The following SLC17A8 variants were observed in gnomAD, a reference collection of about 807,000 sequenced individuals.
SLC17A8 encodes the protein solute carrier family 17 member 8.
A neutral mutation model predicts 58.0 loss-of-function variants in SLC17A8; 31 were observed. That is an observed-to-expected ratio of 0.53 (90% CI 0.40 to 0.72). The LOEUF (loss-of-function observed/expected upper bound fraction) is 0.72. Ranked by LOEUF, SLC17A8 falls within the 30% of genes least tolerant of loss-of-function variation. The pLI is 0.00. For missense variants in SLC17A8, 655 were observed against 727.8 expected, an observed-to-expected ratio of 0.90 and a Z score of 1.15; for synonymous variants, 228 against 249.0, an observed-to-expected ratio of 0.92 and a Z score of 0.79.
intron 1 of SLC17A8, among the ~76,000 whole-genome samples, chr12:100,370,817 T>TG (rs1324588560): frequency 2.6e-5 from 4 of 152,178 alleles, no homozygotes; most frequent in Admixed American, 2.6e-4. Flanking sequence ...TCTGCTTAAA[T>TG]GGGGGGATAG....
chr12:100,399,416 G>T (rs138636279), intron 5 of SLC17A8, among the ~76,000 whole-genome samples: 215 of 152,288 alleles, frequency 1.4e-3, no homozygotes, highest in African/African-American at 5.0e-3. Context: ...AGGTCACATT[G>T]TGTATTAGTC....
At chr12:100,408,708 G>A (rs1280258576) in intron 9 of SLC17A8, among the ~76,000 whole-genome samples, 2 of 152,016 alleles carry the variant, frequency 1.3e-5, no homozygotes, top group African/African-American at 4.8e-5. Flanking sequence ...TTTATACAAT[G>A]TCATCATTCT....
Position 100,389,233 on chromosome 12 carries a change from G to A in SLC17A8, c.355-1768G>A, listed in dbSNP as rs79912034. Among the ~76,000 whole-genome samples the A allele has an allele frequency of 3.0e-3, 455 of 152,170 alleles. 7 individuals are homozygous for A. In the East Asian group the frequency reaches 0.032, roughly 11 times the overall value. ...TGCTATTGCCATCAGCATAGTATCA[G>A]TAATGGCTGCTAACATTTATTGAGT... On this transcript the variant is annotated intron_variant, in intron 2 of 11. Transcript: ENST00000323346.
chr12:100,391,816 T>C (rs901081363), intron 3 of SLC17A8, among the ~76,000 whole-genome samples: 13 of 152,242 alleles, frequency 8.5e-5, no homozygotes, highest in African/African-American at 2.9e-4. Flanking sequence ...TTGGACTAGA[T>C]TGTATTTCAG....
chr12:100,376,352 TC>T (rs1179826063), intron 1 of SLC17A8, among the ~76,000 whole-genome samples: 8 of 152,106 alleles, frequency 5.3e-5, no homozygotes, highest in Non-Finnish European at 1.2e-4. Flanking sequence ...TCCATTCTCT[TC>T]CCCTGCTCTT....
intron 10 of SLC17A8, among the ~76,000 whole-genome samples, chr12:100,415,320 G>A (rs1281192517): frequency 6.6e-6 from 1 of 151,348 alleles, no homozygotes; most frequent in Non-Finnish European, 1.5e-5. Flanking sequence ...ACAAAAACTA[G>A]TTGGTTGTGG....
Position 100,375,959 on chromosome 12 carries a change from G to A in SLC17A8, c.102-4742G>A, listed in dbSNP as rs117480068. On this transcript the variant is annotated intron_variant, in intron 1 of 11. Coordinates refer to ENST00000323346, the MANE Select transcript of SLC17A8 (RefSeq NM_139319.3). ...GTACCTCAGAATATGAGTATATTTG[G>A]AGATAGGGTCTTTAAAAAGGTAATT... Among the ~76,000 whole-genome samples, 20 of 152,236 alleles carry A rather than the reference G, an allele frequency of 1.3e-4. No individual in the cohort carries two copies. The East Asian group carries it at 2.7e-3, about 21-fold the overall frequency.
chr12:100,393,515 T>G, intron 4 of SLC17A8, 32 bp downstream of exon 4: 1 of 1,495,744 alleles, frequency 6.7e-7, no homozygotes, highest in South Asian at 1.1e-5. Context: ...GTTTTTGATA[T>G]TGCTAGAGAC....
At chr12:100,382,263 G>A (rs1486996189) in intron 2 of SLC17A8, among the ~76,000 whole-genome samples, 1 of 152,186 alleles carries the variant, frequency 6.6e-6, no homozygotes, top group Non-Finnish European at 1.5e-5. Context: ...ATTGCAGGGG[G>A]CCAGATTGAG....
intron 1 of SLC17A8, among the ~76,000 whole-genome samples, chr12:100,363,867 A>G (rs1952500846): frequency 6.6e-6 from 1 of 151,908 alleles, no homozygotes; most frequent in African/African-American, 2.4e-5. Context: ...ATGGTGAAAC[A>G]TATATTTTCT....
Position 100,393,493 on chromosome 12 carries a change from ACTTTC to A in SLC17A8, c.588+14_588+18del, listed in dbSNP as rs1952731487. On this transcript the variant is annotated intron_variant, in intron 4 of 11. Coordinates refer to ENST00000323346, the MANE Select transcript of SLC17A8 (RefSeq NM_139319.3). ...GCAAGGTTTAGTGGAGGTAGGAGAT[ACTTTC>A]CTTACAGTTTTTGATATTGCTAGAG... is the stretch of plus-strand genomic sequence containing the variant. 3.1e-6 allele frequency: 5 copies of A among 1,591,070 alleles called. No homozygotes were observed. In the South Asian group the frequency reaches 5.5e-5, roughly 18 times the overall value.
chr12:100,396,512 G>A lies in SLC17A8; in HGVS notation c.676+95G>A, dbSNP rs1333749034. The A allele has an allele frequency of 4.2e-5, 39 of 934,076 alleles. No individual in the cohort carries two copies. The South Asian group carries it at 5.1e-4, about 12-fold the overall frequency. 57.9% of individuals were successfully genotyped at this position (934,076 alleles called of 1,614,324 possible). A position where few individuals can be genotyped will look rare whatever the true frequency, so the allele number is the denominator to read the frequency against. On this transcript the variant is annotated intron_variant, in intron 5 of 11. Transcript: ENST00000323346. Reference sequence around the variant, plus strand: ...CCTGTAATCTCAGCACTTTAGGGAGGCCGAGGCAGGAGGATCCCTGGAGCC... The same window carrying A: ...CCTGTAATCTCAGCACTTTAGGGAGACCGAGGCAGGAGGATCCCTGGAGCC...
chr12:100,400,292 C>T (rs1243600295), intron 5 of SLC17A8, among the ~76,000 whole-genome samples: 1 of 152,144 alleles, frequency 6.6e-6, no homozygotes, highest in Admixed American at 6.5e-5. Context: ...GGAGTGCTCA[C>T]CTTATTGGTT....
In SLC17A8 at chr12:100,402,635, C is replaced by T. The variant is rs767626521; in HGVS notation, c.943C>T (p.Pro315Ser). The T allele has an allele frequency of 1.2e-6, 2 of 1,614,000 alleles. No homozygotes were observed. Among genetic ancestry groups the T allele is most frequent in the Non-Finnish European group, 1.7e-6 (2 of 1,179,978 alleles). Residue 315 changes from proline to serine, a missense_variant, in exon 8 of 12, where the codon CCG becomes TCG. Physicochemically the swap from Pro to Ser is moderately conservative, Grantham distance 74. Coordinates refer to ENST00000323346, the MANE Select transcript of SLC17A8 (RefSeq NM_139319.3). ...ATGGAAAAGATTTTTCACATCTTTG[C>T]CGGTTTATGCAATCATTGTGGCAAA... ...TPWKRFFTSL[P>S]VYAIIVANFC...
Position 100,420,096 on chromosome 12 carries a change from C to A in SLC17A8, c.1707C>A (p.Thr569=), listed in dbSNP as rs778368300. The part of the protein sequence containing the change: ...KKEWKGQRGA[T]LDEEELTSYQ... Reference sequence around the variant, plus strand: ...AATGGAAAGGACAGAGAGGAGCGACCCTTGATGAGGAAGAGCTGACATCCT... The same window carrying A: ...AATGGAAAGGACAGAGAGGAGCGACACTTGATGAGGAAGAGCTGACATCCT... The change falls in exon 12 of 12, where the codon ACC becomes ACA. Residue 569 remains threonine (T), a synonymous_variant. Transcript: ENST00000323346. The A allele has an allele frequency of 9.9e-6, 16 of 1,613,950 alleles. No individual in the cohort carries two copies. Among genetic ancestry groups the A allele is most frequent in the Non-Finnish European group, 1.4e-5 (16 of 1,179,962 alleles).
intron 4 of SLC17A8, among the ~76,000 whole-genome samples, chr12:100,396,032 C>G (rs1043900032): frequency 2.0e-5 from 3 of 152,172 alleles, no homozygotes; most frequent in African/African-American, 7.2e-5. Context: ...CTTTGTCTGC[C>G]CATGGCAGAA....
intron 1 of SLC17A8, among the ~76,000 whole-genome samples, chr12:100,379,689 C>T (rs11110356): frequency 0.23 from 35,336 of 151,806 alleles, 4,956 homozygotes; most frequent in East Asian, 0.45. Context: ...GATAGGGTTC[C>T]GTTTGTCCAA....
In SLC17A8 at chr12:100,396,368, G is replaced by A; in HGVS notation, c.627G>A (p.Lys209=). 1.9e-6 allele frequency: 3 copies of A among 1,614,174 alleles called. No individual in the cohort carries two copies. The highest frequency in any genetic ancestry group is 1.7e-6 in the Non-Finnish European group (2 of 1,180,030). Residue 209 remains lysine (K), a synonymous_variant, in exon 5 of 12, where the codon AAG becomes AAA. Coordinates refer to ENST00000323346, the MANE Select transcript of SLC17A8 (RefSeq NM_139319.3). ...CAGCCTGCCATGGGATGTGGAGTAA[G>A]TGGGCACCACCTTTGGAGAGAAGCC... ...TYPACHGMWS[K]WAPPLERSRL...
intron 9 of SLC17A8, among the ~76,000 whole-genome samples, chr12:100,410,098 G>T (rs762354049): frequency 3.9e-5 from 6 of 152,214 alleles, no homozygotes; most frequent in Non-Finnish European, 7.3e-5. Flanking sequence ...GGTGGCTTAG[G>T]CCTGTAATCC....
Sources: allele counts gnomAD v4.1 joint callset (sites outside exome capture counted in the v4.1 genomes callset), GRCh38; gene constraint gnomAD v4.1.1; transcripts MANE v1.5; gene names NCBI Gene and HGNC (gene_info 2026-07-23, HGNC 2026-07-21).